Variants in OVCH1 observed in about 807,000 individuals in gnomAD.
OVCH1 encodes the protein ovochymase 1.
A neutral mutation model predicts 138.4 loss-of-function variants in OVCH1; 139 were observed. The ratio of observed to expected loss-of-function variants is 1.00; its 90% CI spans 0.87 to 1.16. The LOEUF (loss-of-function observed/expected upper bound fraction) is 1.16, where lower values mean the gene tolerates loss of function less well. Among genes scored for constraint, OVCH1 ranks in the 50% most tolerant of loss-of-function variants. The pLI, the probability that OVCH1 is intolerant of heterozygous loss-of-function variation, is 0.00. For missense variants in OVCH1, 1,367 were observed against 1,357.9 expected (o/e 1.01, Z -0.11); for synonymous variants, 453 against 467.8 (o/e 0.97, Z 0.41).
rs200385454 is a variant in OVCH1 at position 29,451,339 on chromosome 12, G to A, written c.2755+6C>T. On this transcript the variant is annotated splice_donor_region_variant and intron_variant, in intron 22 of 27. Coordinates refer to ENST00000318184, the Ensembl canonical transcript of OVCH1. ...AGCACGAAGTTTATATGCCAGGAAG[G>A]ATTACCTGCCGTCTTTCTCTTACTG... The A allele has an allele frequency of 6.0e-4, 958 of 1,607,826 alleles. No homozygotes were observed. The highest frequency in any genetic ancestry group is 7.6e-4 in the Non-Finnish European group (896 of 1,175,874).
At chr12:29,471,726 T>G (rs1592084698) in intron 16 of OVCH1, 76 bp downstream of exon 16, 3 of 1,406,158 alleles carry the variant, frequency 2.1e-6, no homozygotes, top group Non-Finnish European at 9.5e-7. Flanking sequence ...ATGATCTTAG[T>G]AGTCAGCCTT....
intron 26 of OVCH1, among the ~76,000 whole-genome samples, chr12:29,437,830 T>C (rs1319743636): frequency 1.3e-5 from 2 of 152,224 alleles, no homozygotes; most frequent in African/African-American, 4.8e-5. Flanking sequence ...CAGTGTGTCA[T>C]TCTTTTGAAA....
chr12:29,468,840 G>A (rs887762128), intron 16 of OVCH1, among the ~76,000 whole-genome samples: 6 of 152,012 alleles, frequency 3.9e-5, no homozygotes, highest in African/African-American at 1.4e-4. Context: ...CAGCTGAGAG[G>A]GCCTAGGATC....
chr12:29,496,399 T>A, intron 2 of OVCH1, 121 bp from the exon 3 acceptor site: 1 of 1,162,624 alleles, frequency 8.6e-7, no homozygotes, highest in South Asian at 1.5e-5. Context: ...CCGACATAAA[T>A]TGGATAGTAA....
exon 20 of OVCH1, chr12:29,455,260 G>A: frequency 6.2e-7 from 1 of 1,609,906 alleles, no homozygotes; most frequent in Non-Finnish European, 8.5e-7. Context: ...ATTGATTTTT[G>A]ATTGGATCCA....
chr12:29,445,408 G>T lies in OVCH1; in HGVS notation c.2756-5C>A, dbSNP rs73278719. ...GTCTTCTTCCATGTAATCCACCTAGGTTAAAAAGTGAACTCTAGTAAAAAA... is the reference window on the plus strand; with the variant it reads ...GTCTTCTTCCATGTAATCCACCTAGTTTAAAAAGTGAACTCTAGTAAAAAA... On this transcript the variant is annotated splice_region_variant and splice_polypyrimidine_tract_variant and intron_variant, in intron 22 of 27. Transcript: ENST00000318184. The T allele has an allele frequency of 2.5e-3, 4,017 of 1,597,324 alleles. 100 individuals are homozygous for T. The African/African-American group carries it at 0.048, about 19-fold the overall frequency.
intron 6 of OVCH1, among the ~76,000 whole-genome samples, chr12:29,488,850 CT>C (rs1943194195): frequency 6.6e-6 from 1 of 152,090 alleles, no homozygotes; most frequent in South Asian, 2.1e-4. Flanking sequence ...GAAAAAGCAC[CT>C]TTAGCCTATC....
At position 29,487,689 on chromosome 12, in the gene OVCH1, C is replaced by T. The variant is rs373905667; in HGVS notation, c.892+4G>A. On this transcript the variant is annotated splice_donor_region_variant and intron_variant, in intron 7 of 27. Transcript: ENST00000318184. ...ATGAGATGAGGAAGAAAGAATTCACCTACCTGTGAACAGGTTTTGAGTGAT... is the reference window on the plus strand; with the variant it reads ...ATGAGATGAGGAAGAAAGAATTCACTTACCTGTGAACAGGTTTTGAGTGAT... The T allele has an allele frequency of 1.3e-6, 2 of 1,582,968 alleles. No individual in the cohort carries two copies. The highest frequency in any genetic ancestry group is 1.7e-6 in the Non-Finnish European group (2 of 1,161,868).
At chr12:29,447,320 AAAG>A (rs1211226201) in intron 22 of OVCH1, among the ~76,000 whole-genome samples, 1 of 152,030 alleles carries the variant, frequency 6.6e-6, no homozygotes, top group Non-Finnish European at 1.5e-5. Flanking sequence ...TAAAAGCAAA[AAAG>A]AAATTATCTC....
At chr12:29,436,425 C>T (rs1334614866) in intron 26 of OVCH1, among the ~76,000 whole-genome samples, 1 of 152,094 alleles carries the variant, frequency 6.6e-6, no homozygotes, top group Non-Finnish European at 1.5e-5. Context: ...GTCAATTTAG[C>T]AGTTAAATTT....
intron 4 of OVCH1, among the ~76,000 whole-genome samples, chr12:29,491,929 T>C (rs900834950): frequency 2.0e-5 from 3 of 152,144 alleles, no homozygotes; most frequent in Non-Finnish European, 2.9e-5. Context: ...CTTTTAGATC[T>C]CAACGAATGA....
intron 26 of OVCH1, among the ~76,000 whole-genome samples, chr12:29,438,581 A>G (rs1225872634): frequency 2.0e-5 from 3 of 152,108 alleles, no homozygotes; most frequent in Non-Finnish European, 4.4e-5. Context: ...TATCTATGCA[A>G]ATCTTTGTGT....
chr12:29,425,679 C>G (rs555518665), downstream of OVCH1, among the ~76,000 whole-genome samples: 1 of 152,224 alleles, frequency 6.6e-6, no homozygotes, highest in African/African-American at 2.4e-5. Flanking sequence ...TGTAACCTAC[C>G]TACATAAGAT....
At chr12:29,425,091 G>A (rs912973167), downstream of OVCH1, among the ~76,000 whole-genome samples, 6 of 152,160 alleles carry the variant, frequency 3.9e-5, no homozygotes, top group Admixed American at 3.9e-4. Flanking sequence ...TTAATAAAGT[G>A]CCTGTGATGT....
chr12:29,494,088 C>T (rs1383558224), intron 4 of OVCH1, among the ~76,000 whole-genome samples: 1 of 152,154 alleles, frequency 6.6e-6, no homozygotes, highest in Non-Finnish European at 1.5e-5. Flanking sequence ...CTTCTGAGAA[C>T]CCTCTGTCCA....
At chr12:29,434,512 T>A (rs565555786) in intron 26 of OVCH1, among the ~76,000 whole-genome samples, 1 of 151,846 alleles carries the variant, frequency 6.6e-6, no homozygotes, top group Non-Finnish European at 1.5e-5. Context: ...GCACAATAAA[T>A]TGAACAAAAA....
chr12:29,491,214 G>A, intron 4 of OVCH1, 22 bp from the exon 5 acceptor site: 1 of 1,568,430 alleles, frequency 6.4e-7, no homozygotes, highest in Non-Finnish European at 8.8e-7. Context: ...ACAAAGGCAT[G>A]AGGTTCATGG....
intron 16 of OVCH1, among the ~76,000 whole-genome samples, chr12:29,468,610 G>A (rs1004930409): frequency 1.3e-5 from 2 of 151,786 alleles, no homozygotes; most frequent in Admixed American, 6.6e-5. Flanking sequence ...CAAATTAATC[G>A]GCTACTCTTG....
At chr12:29,462,088 T>C in intron 18 of OVCH1, 80 bp from the exon 19 acceptor site, 1 of 1,464,986 alleles carries the variant, frequency 6.8e-7, no homozygotes, top group Non-Finnish European at 9.3e-7. Context: ...AGTTCAGATG[T>C]AGCTCTGTAC....
Sources: gnomAD v4.1 joint callset for allele counts (sites outside exome capture counted in the v4.1 genomes callset) on GRCh38, gnomAD v4.1.1 for gene constraint, MANE v1.5 for transcripts, NCBI Gene and HGNC (gene_info 2026-07-23, HGNC 2026-07-21) for gene names.